The following CADM2 variants were observed in gnomAD, a reference collection of about 807,000 sequenced individuals.
CADM2 encodes the protein cell adhesion molecule 2.
Under a neutral mutation model 49.8 loss-of-function variants are expected in CADM2, and 12 were observed. The ratio of observed to expected loss-of-function variants is 0.24; its 90% confidence interval spans 0.15 to 0.39. CADM2 has a LOEUF of 0.39. Among genes scored for constraint, CADM2 ranks in the 10% least tolerant of loss-of-function variants. The pLI, the probability that CADM2 is intolerant of heterozygous loss-of-function variation, is 1.00. For missense variants in CADM2, 378 were observed against 492.3 expected (o/e 0.77, Z 2.20); for synonymous variants, 214 against 175.4 (o/e 1.22, Z -1.74).
intron 7 of CADM2, among the ~76,000 whole-genome samples, chr3:85,936,470 A>C (rs1721199253): frequency 6.6e-6 from 1 of 151,840 alleles, no homozygotes; most frequent in Admixed American, 6.6e-5. Context: ...ATTAAGCAAA[A>C]CTTACATATG....
At chr3:85,327,580 ACACACACAC>A (rs1320052905) in intron 1 of CADM2, among the ~76,000 whole-genome samples, 2 of 145,572 alleles carry the variant, frequency 1.4e-5, no homozygotes, top group African/African-American at 5.4e-5. Flanking sequence ...ACACACACAC[ACACACACAC>A]CACACACACA....
At chr3:85,567,617 C>T (rs1452992526) in intron 1 of CADM2, among the ~76,000 whole-genome samples, 1 of 149,476 alleles carries the variant, frequency 6.7e-6, no homozygotes, top group Non-Finnish European at 1.5e-5. Flanking sequence ...TATTAGAGCT[C>T]TCCAGAGAGA....
chr3:85,756,244 G>C (rs970625027), intron 2 of CADM2, among the ~76,000 whole-genome samples: 3 of 152,024 alleles, frequency 2.0e-5, no homozygotes, highest in African/African-American at 7.2e-5. Flanking sequence ...CTTTAGACAT[G>C]ACTGAACGCA....
intron 6 of CADM2, among the ~76,000 whole-genome samples, chr3:85,926,157 T>G: frequency 6.7e-6 from 1 of 149,704 alleles, no homozygotes; most frequent in Non-Finnish European, 1.5e-5. Flanking sequence ...AATAAATAAA[T>G]AAATAAATAA....
intron 1 of CADM2, among the ~76,000 whole-genome samples, chr3:85,348,562 A>G (rs1376581993): frequency 6.6e-6 from 1 of 152,180 alleles, no homozygotes; most frequent in African/African-American, 2.4e-5. Context: ...TCTTCAGGAA[A>G]TATCTTAGAA....
At chr3:85,493,767 A>G (rs1218674640) in intron 1 of CADM2, among the ~76,000 whole-genome samples, 1 of 152,170 alleles carries the variant, frequency 6.6e-6, no homozygotes, top group Non-Finnish European at 1.5e-5. Context: ...TGACTAAATT[A>G]AACATTTAGG....
intron 1 of CADM2, among the ~76,000 whole-genome samples, chr3:85,701,870 T>C (rs925105666): frequency 1.2e-5 from 1 of 85,024 alleles, no homozygotes; most frequent in Non-Finnish European, 2.9e-5. Flanking sequence ...GATAGATAGA[T>C]AGATAGATAG....
At chr3:85,143,855 T>A (rs973358123) in intron 1 of CADM2, among the ~76,000 whole-genome samples, 2 of 152,164 alleles carry the variant, frequency 1.3e-5, no homozygotes, top group African/African-American at 4.8e-5. Context: ...GTTCCATGGC[T>A]CAAGTTTTCC....
At chr3:85,175,919 C>CTTTTTTT (rs11329456) in intron 1 of CADM2, among the ~76,000 whole-genome samples, 803 of 76,256 alleles carry the variant, frequency 0.011, 97 homozygotes, top group African/African-American at 0.025. Flanking sequence ...ATGTCCTAAT[C>CTTTTTTT]TTTTTTTTTT....
chr3:85,850,347 CAG>C (rs2075053875), intron 3 of CADM2, among the ~76,000 whole-genome samples: 1 of 109,268 alleles, frequency 9.2e-6, no homozygotes, highest in African/African-American at 3.5e-5. Flanking sequence ...TTTTTTGAGA[CAG>C]AGTCTCGCTC....
chr3:85,961,075 A>C (rs1185879061), intron 7 of CADM2, among the ~76,000 whole-genome samples: 2 of 147,412 alleles, frequency 1.4e-5, no homozygotes, highest in African/African-American at 4.9e-5. Context: ...TTATATATAA[A>C]TATAAATATT....
At chr3:85,775,472 C>T (rs2070315614) in intron 2 of CADM2, among the ~76,000 whole-genome samples, 2 of 151,712 alleles carry the variant, frequency 1.3e-5, no homozygotes, top group Admixed American at 6.6e-5. Context: ...GCATAGCATT[C>T]AACAGATTGT....
chr3:85,820,390 A>T (rs1311264965), intron 3 of CADM2, among the ~76,000 whole-genome samples: 1 of 152,170 alleles, frequency 6.6e-6, no homozygotes, highest in Non-Finnish European at 1.5e-5. Flanking sequence ...GAGACCAATT[A>T]GAGAGCTATT....
chr3:85,047,272 A>G (rs2035704943), intron 1 of CADM2, among the ~76,000 whole-genome samples: 1 of 152,034 alleles, frequency 6.6e-6, no homozygotes, highest in African/African-American at 2.4e-5. Context: ...CTCACACCAC[A>G]TTTTTGTCCT....
At position 85,917,041 on chromosome 3, in the gene CADM2, G is replaced by A. The variant is rs546097139; in HGVS notation, c.700+4498G>A. On this transcript the variant is annotated intron_variant, in intron 6 of 9. Transcript: ENST00000383699. ...GTTTTTTTTTATTGTAAATTTGTTTGAGTTAATTATAGATTATGGATATTA... is the reference window on the plus strand; with the variant it reads ...GTTTTTTTTTATTGTAAATTTGTTTAAGTTAATTATAGATTATGGATATTA... 1.5e-4 allele frequency among the ~76,000 whole-genome samples: 23 copies of A among 152,046 alleles called. No homozygotes were observed. In the South Asian group the frequency reaches 3.7e-3, roughly 25 times the overall value.
intron 7 of CADM2, among the ~76,000 whole-genome samples, chr3:85,939,307 A>C (rs1437252883): frequency 1.3e-5 from 2 of 152,016 alleles, no homozygotes; most frequent in Non-Finnish European, 2.9e-5. Context: ...ATTACTGTAC[A>C]TGTCTGTCCA....
intron 1 of CADM2, among the ~76,000 whole-genome samples, chr3:85,225,780 T>C (rs952239246): frequency 6.6e-6 from 1 of 152,216 alleles, no homozygotes; most frequent in African/African-American, 2.4e-5. Flanking sequence ...GTTCCATCAG[T>C]ACCTAGTTTA....
chr3:85,036,997 GAA>G (rs10566030), intron 1 of CADM2, among the ~76,000 whole-genome samples: 19,507 of 77,522 alleles, frequency 0.25, 1,445 homozygotes, highest in Admixed American at 0.35. Flanking sequence ...ACTAAAAATA[GAA>G]AAAAAAAAAA....
intron 1 of CADM2, among the ~76,000 whole-genome samples, chr3:85,100,782 A>C (rs1392073234): frequency 1.3e-5 from 2 of 152,236 alleles, no homozygotes; most frequent in Admixed American, 1.3e-4. Context: ...CTGCATTTTT[A>C]GAATCAGCAT....
Sources: allele counts gnomAD v4.1 joint callset (sites outside exome capture counted in the v4.1 genomes callset), GRCh38; gene constraint gnomAD v4.1.1; transcripts MANE v1.5; gene names NCBI Gene and HGNC (gene_info 2026-07-23, HGNC 2026-07-21).